Variants in PIK3CA observed in about 807,000 individuals in gnomAD.
PIK3CA encodes phosphatidylinositol 4,5-bisphosphate 3-kinase catalytic subunit alpha isoform.
Under a neutral mutation model 138.2 loss-of-function variants are expected in PIK3CA, and 27 were observed. The ratio of observed to expected loss-of-function variants is 0.20; its 90% CI spans 0.14 to 0.27. PIK3CA has a LOEUF of 0.27. Among genes scored for constraint, PIK3CA ranks in the 10% least tolerant of loss-of-function variants. The probability of loss-of-function intolerance (pLI) is 1.00; values close to 1 mark genes in which losing one functional copy is unlikely to be tolerated. For missense variants in PIK3CA, 544 were observed against 1,277.4 expected (o/e 0.43, Z 8.75); for synonymous variants, 358 against 413.2 (o/e 0.87, Z 1.62).
At chr3:179,155,637 C>G (rs942332537) in intron 1 of PIK3CA, among the ~76,000 whole-genome samples, 5 of 152,060 alleles carry the variant, frequency 3.3e-5, no homozygotes, top group Non-Finnish European at 7.4e-5. Flanking sequence ...TTAAAATATA[C>G]AGGAGTAGGT....
intron 1 of PIK3CA, among the ~76,000 whole-genome samples, chr3:179,182,804 C>T (rs1409366759): frequency 6.6e-6 from 1 of 152,112 alleles, no homozygotes; most frequent in Non-Finnish European, 1.5e-5. Flanking sequence ...ATACTTGGTA[C>T]ATTGAACTGT....
rs1725302743 is a variant in PIK3CA at position 179,235,018 on chromosome 3, T to C, written c.*654T>C. ...GTTTTATCTGCAGTTTTGGAAGCAG[T>C]CACAAATGAGACCTGTTATAAGGTG... On this transcript the variant is annotated 3_prime_UTR_variant, in exon 21 of 21. Transcript: ENST00000263967. The C allele has an allele frequency of 4.8e-6, 1 of 208,904 alleles. No individual in the cohort carries two copies. Among genetic ancestry groups the C allele is most frequent in the Non-Finnish European group, 9.7e-6 (1 of 103,042 alleles). 12.9% of individuals were successfully genotyped at this position (208,904 alleles called of 1,614,324 possible). A position where few individuals can be genotyped will look rare whatever the true frequency, so the allele number is the denominator to read the frequency against.
chr3:179,170,192 A>G (rs892335307), intron 1 of PIK3CA, among the ~76,000 whole-genome samples: 5 of 152,262 alleles, frequency 3.3e-5, no homozygotes, highest in African/African-American at 1.2e-4. Flanking sequence ...TAATAATGAA[A>G]GACTCGCATT....
chr3:179,186,641 C>T (rs1001040337), intron 1 of PIK3CA, among the ~76,000 whole-genome samples: 5 of 152,094 alleles, frequency 3.3e-5, no homozygotes, highest in Non-Finnish European at 2.9e-5. Context: ...ATGGGAATTA[C>T]GAAGGACAAT....
At chr3:179,213,990 G>A (rs961664017) in intron 9 of PIK3CA, among the ~76,000 whole-genome samples, 2 of 152,070 alleles carry the variant, frequency 1.3e-5, no homozygotes, top group African/African-American at 4.8e-5. Context: ...AAGCATCTTC[G>A]TCTCTCTCAA....
chr3:179,162,105 A>T (rs1429564552), intron 1 of PIK3CA, among the ~76,000 whole-genome samples: 3 of 152,190 alleles, frequency 2.0e-5, no homozygotes, highest in African/African-American at 7.2e-5. Context: ...ACAGAAATAT[A>T]CATTTTATCT....
intron 1 of PIK3CA, among the ~76,000 whole-genome samples, chr3:179,154,287 T>C (rs374357612): frequency 1.3e-5 from 2 of 152,176 alleles, no homozygotes; most frequent in East Asian, 3.9e-4. Context: ...AGGTGAGCAG[T>C]GGGGCCAGCA....
chr3:179,226,032 T>C lies in PIK3CA; in HGVS notation c.2487T>C (p.Leu829=). Residue 829 remains leucine, a synonymous_variant, in exon 17 of 21, where the codon CTT becomes CTC. Coordinates refer to ENST00000263967, the MANE Select transcript of PIK3CA (RefSeq NM_006218.4). ...AAAATATCTGGCAAAATCAAGGTCTTGATCTTCGGTAGGTAACCAGTAAGG... is the reference window on the plus strand; with the variant it reads ...AAAATATCTGGCAAAATCAAGGTCTCGATCTTCGGTAGGTAACCAGTAAGG... ...IMENIWQNQG[L]DLRMLPYGCL... The C allele has an allele frequency of 6.3e-7, 1 of 1,580,662 alleles. No individual in the cohort carries two copies. Among genetic ancestry groups the C allele is most frequent in the Non-Finnish European group, 8.7e-7 (1 of 1,150,548 alleles).
At chr3:179,231,914 A>T (rs933987346) in intron 20 of PIK3CA, among the ~76,000 whole-genome samples, 2 of 152,036 alleles carry the variant, frequency 1.3e-5, no homozygotes, top group African/African-American at 4.8e-5. Context: ...AAGTGCTGGG[A>T]TTACAGGCTT....
chr3:179,229,444 T>C lies in PIK3CA; in HGVS notation c.2666+2T>C. 1 of 1,607,236 alleles carries C rather than the reference T, an allele frequency of 6.2e-7. No individual in the cohort carries two copies. The stretch of plus-strand genomic sequence containing the variant: ...CAAAGACAAGAACAAAGGAGAAATG[T>C]GAGTTGTATTATTCTTTCTTCCTAT... On this transcript the variant is annotated splice_donor_variant, in intron 18 of 20. Coordinates refer to ENST00000263967, the MANE Select transcript of PIK3CA (RefSeq NM_006218.4). LOFTEE classifies it high-confidence loss of function.
chr3:179,166,957 G>A (rs1040230793), intron 1 of PIK3CA, among the ~76,000 whole-genome samples: 1 of 152,064 alleles, frequency 6.6e-6, no homozygotes, highest in African/African-American at 2.4e-5. Flanking sequence ...GAGTCGTCTT[G>A]TAATATCTTA....
At chr3:179,206,135 A>G (rs1349720207) in intron 6 of PIK3CA, among the ~76,000 whole-genome samples, 1 of 123,132 alleles carries the variant, frequency 8.1e-6, no homozygotes, top group Non-Finnish European at 1.6e-5. Context: ...CCTGTGGCCC[A>G]GGCTGGAGTA....
intron 14 of PIK3CA, among the ~76,000 whole-genome samples, chr3:179,222,385 G>A (rs1352434500): frequency 1.3e-5 from 2 of 152,118 alleles, no homozygotes; most frequent in Non-Finnish European, 2.9e-5. Flanking sequence ...TGAGCAAGAA[G>A]GGTCTAGATT....
chr3:179,186,424 C>T lies in PIK3CA; in HGVS notation c.-76-12326C>T, dbSNP rs377346129. ...GGCAAGAAAGAGTGAAGTTACTTTT[C>T]GTGAAGCCCTGGGCTTTTTGAAGAA... On this transcript the variant is annotated intron_variant, in intron 1 of 20. Coordinates refer to ENST00000263967, the MANE Select transcript of PIK3CA (RefSeq NM_006218.4). 2.6e-4 allele frequency among the ~76,000 whole-genome samples: 40 copies of T among 152,206 alleles called. 1 individual carries two copies. The South Asian group carries it at 7.9e-3, about 30-fold the overall frequency.
In PIK3CA at chr3:179,230,399, A is replaced by G. The variant is rs1287985552; in HGVS notation, c.2936+23A>G. On this transcript the variant is annotated intron_variant, in intron 20 of 20. Coordinates refer to ENST00000263967, the MANE Select transcript of PIK3CA (RefSeq NM_006218.4). The surrounding 1 kb of genome is among the most constrained non-coding windows in gnomAD (Gnocchi z 5.4). ...GAGGTGAGCTCGAGCAATTAAAAAC[A>G]CAAAATAAAGAGTTCTGGCTGCTCT... The G allele has an allele frequency of 6.4e-7, 1 of 1,564,404 alleles. No individual in the cohort carries two copies. The highest frequency in any genetic ancestry group is 8.6e-7 in the Non-Finnish European group (1 of 1,158,572).
At chr3:179,213,553 G>A (rs945654968) in intron 9 of PIK3CA, among the ~76,000 whole-genome samples, 14 of 152,186 alleles carry the variant, frequency 9.2e-5, no homozygotes, top group Admixed American at 9.2e-4. Flanking sequence ...TCTTTAAGAC[G>A]ACAGTGAAGT....
At chr3:179,204,078 T>C (rs1724493485) in intron 5 of PIK3CA, among the ~76,000 whole-genome samples, 1 of 152,230 alleles carries the variant, frequency 6.6e-6, no homozygotes, top group African/African-American at 2.4e-5. Flanking sequence ...CAACCTTAAG[T>C]GAGGGTTTTT....
At chr3:179,161,235 C>T (rs1723270966) in intron 1 of PIK3CA, among the ~76,000 whole-genome samples, 1 of 152,206 alleles carries the variant, frequency 6.6e-6, no homozygotes, top group Non-Finnish European at 1.5e-5. Context: ...GTGAAAGTAA[C>T]ACATAGATTT....
At chr3:179,160,902 C>T (rs1271339783) in intron 1 of PIK3CA, among the ~76,000 whole-genome samples, 1 of 152,180 alleles carries the variant, frequency 6.6e-6, no homozygotes, top group Non-Finnish European at 1.5e-5. Flanking sequence ...TTACTAGCTA[C>T]TTAGTACCAA....
Sources: gnomAD v4.1 joint callset for allele counts (sites outside exome capture counted in the v4.1 genomes callset) on GRCh38, gnomAD v4.1.1 for gene constraint, Gnocchi (gnomAD v3.1) non-coding constraint, MANE v1.5 for transcripts, NCBI Gene and HGNC (gene_info 2026-07-23, HGNC 2026-07-21) for gene names.